ERP44: variants seen among roughly 807,000 people sequenced by gnomAD.
ERP44 encodes endoplasmic reticulum protein 44.
Under a neutral mutation model 53.4 loss-of-function variants are expected in ERP44, and 25 were observed. The observed-to-expected ratio is 0.47, with a 90% CI of 0.34 to 0.65. The LOEUF is 0.65. ERP44 is among the 30% of genes least tolerant of loss of function. The probability of loss-of-function intolerance (pLI) is 0.01; values close to 1 mark genes in which losing one functional copy is unlikely to be tolerated. For missense variants in ERP44, 338 were observed against 493.2 expected, an observed-to-expected ratio of 0.69 and a Z score of 2.98; for synonymous variants, 145 against 161.2, an observed-to-expected ratio of 0.90 and a Z score of 0.76.
chr9:100,019,493 C>T (rs1830562743), intron 6 of ERP44, among the ~76,000 whole-genome samples: 1 of 152,070 alleles, frequency 6.6e-6, no homozygotes, highest in African/African-American at 2.4e-5. Flanking sequence ...TATATTGTGC[C>T]AGACATCCAG....
At chr9:100,091,970 T>C (rs1277102162) in intron 1 of ERP44, among the ~76,000 whole-genome samples, 10 of 152,210 alleles carry the variant, frequency 6.6e-5, no homozygotes. Flanking sequence ...ATTATTTATA[T>C]ATATATCTTC....
chr9:100,092,304 C>T (rs1826567999), intron 1 of ERP44, among the ~76,000 whole-genome samples: 1 of 152,202 alleles, frequency 6.6e-6, no homozygotes, highest in Non-Finnish European at 1.5e-5. Flanking sequence ...ACATGTGCAA[C>T]ATGCTGACAA....
At chr9:100,098,714 G>C in intron 1 of ERP44, 70 bp downstream of exon 1, 1 of 1,260,102 alleles carries the variant, frequency 7.9e-7, no homozygotes, top group Non-Finnish European at 1.2e-6. Flanking sequence ...AGGAGTAGCA[G>C]TGTTCCCCCT....
chr9:100,041,749 CAT>C (rs1825906124), intron 4 of ERP44, among the ~76,000 whole-genome samples: 1 of 152,062 alleles, frequency 6.6e-6, no homozygotes. Context: ...GAAATAAATC[CAT>C]ATATCTACAG....
At chr9:100,074,923 A>G (rs1265209628) in intron 1 of ERP44, among the ~76,000 whole-genome samples, 7 of 152,160 alleles carry the variant, frequency 4.6e-5, no homozygotes, top group African/African-American at 1.7e-4. Context: ...AGAATGCCTA[A>G]TTGGCAGAGA....
At chr9:100,065,198 T>C (rs544133367) in intron 1 of ERP44, among the ~76,000 whole-genome samples, 7 of 152,208 alleles carry the variant, frequency 4.6e-5, no homozygotes, top group Non-Finnish European at 1.0e-4. Flanking sequence ...ATATTTTTAC[T>C]GTGTCTTTTC....
chr9:99,998,342 CT>C, intron 10 of ERP44: 3 of 549,164 alleles, frequency 5.5e-6, no homozygotes, highest in Non-Finnish European at 1.0e-5. Flanking sequence ...GTCCCCGAAC[CT>C]TTTGCCTTGC....
At chr9:100,061,274 T>C (rs972697959) in intron 1 of ERP44, among the ~76,000 whole-genome samples, 2 of 151,766 alleles carry the variant, frequency 1.3e-5, no homozygotes, top group East Asian at 3.9e-4. Flanking sequence ...TGAAACCCTG[T>C]CTCTACTAAA....
At chr9:100,083,602 T>C (rs1010003301) in intron 1 of ERP44, among the ~76,000 whole-genome samples, 6 of 152,210 alleles carry the variant, frequency 3.9e-5, no homozygotes, top group African/African-American at 1.2e-4. Flanking sequence ...ATTTCACTAG[T>C]ACATGCCTTG....
chr9:99,989,389 C>T (rs1482989072), intron 10 of ERP44, among the ~76,000 whole-genome samples: 2 of 152,162 alleles, frequency 1.3e-5, no homozygotes, highest in Admixed American at 6.5e-5. Flanking sequence ...TGTTGTGATA[C>T]CCAGGCAAAC....
chr9:100,064,569 A>G (rs1826189645), intron 1 of ERP44, among the ~76,000 whole-genome samples: 2 of 152,216 alleles, frequency 1.3e-5, no homozygotes, highest in East Asian at 1.9e-4. Flanking sequence ...CTATTGCAGA[A>G]ACCCCTCTAC....
intron 3 of ERP44, among the ~76,000 whole-genome samples, chr9:100,057,351 C>T (rs985500833): frequency 6.6e-6 from 1 of 152,098 alleles, no homozygotes; most frequent in African/African-American, 2.4e-5. Flanking sequence ...AGGGCACAAA[C>T]AAGAAAAGAC....
At chr9:100,031,033 G>A (rs766363373) in intron 4 of ERP44, among the ~76,000 whole-genome samples, 5 of 152,150 alleles carry the variant, frequency 3.3e-5, no homozygotes, top group African/African-American at 4.8e-5. Flanking sequence ...CTACTGTAGC[G>A]AATCTGGTGT....
In ERP44 at chr9:99,998,884, C is replaced by T. The variant is rs181594203; in HGVS notation, c.1016+7622G>A. On this transcript the variant is annotated intron_variant, in intron 10 of 11. Transcript: ENST00000262455. ...TTCTAGCAATGAGCTCTCTTGTCTT[C>T]GCCTCCATCTCCCCCAGCAGTCTCA... 528 of 1,583,348 alleles carry T rather than the reference C, an allele frequency of 3.3e-4. 1 individual carries two copies. Among genetic ancestry groups the T allele is most frequent in the Admixed American group, 7.4e-4 (44 of 59,724 alleles).
chr9:100,097,949 CA>C (rs1826665565), intron 1 of ERP44, among the ~76,000 whole-genome samples: 1 of 152,166 alleles, frequency 6.6e-6, no homozygotes, highest in African/African-American at 2.4e-5. Flanking sequence ...TTATAATTAA[CA>C]GCCCAATTAA....
chr9:99,999,160 C>A (rs1434186438), intron 10 of ERP44: 23 of 538,000 alleles, frequency 4.3e-5, no homozygotes, highest in Non-Finnish European at 7.0e-5. Context: ...CAGGGCTCCG[C>A]CCCCCGACCC....
At chr9:99,993,201 CA>C (rs1445235626) in intron 10 of ERP44, among the ~76,000 whole-genome samples, 1 of 152,154 alleles carries the variant, frequency 6.6e-6, no homozygotes, top group Non-Finnish European at 1.5e-5. Context: ...GCCCCATTGC[CA>C]ATTCAATCCT....
At chr9:100,033,042 TAAGTA>T (rs1310188312) in intron 4 of ERP44, among the ~76,000 whole-genome samples, 2 of 152,240 alleles carry the variant, frequency 1.3e-5, no homozygotes, top group African/African-American at 2.4e-5. Flanking sequence ...TTTTAATAAT[TAAGTA>T]AAGTATACTC....
chr9:100,085,700 G>C (rs1001113956), intron 1 of ERP44, among the ~76,000 whole-genome samples: 6 of 152,192 alleles, frequency 3.9e-5, no homozygotes, highest in Non-Finnish European at 8.8e-5. Flanking sequence ...AGGAGTTCGA[G>C]ACCAGCCTGG....
Sources: gnomAD v4.1 joint callset for allele counts (sites outside exome capture counted in the v4.1 genomes callset) on GRCh38, gnomAD v4.1.1 for gene constraint, MANE v1.5 for transcripts, NCBI Gene and HGNC (gene_info 2026-07-23, HGNC 2026-07-21) for gene names.